The following SIPA1L3 variants were observed in gnomAD, a reference collection of about 807,000 sequenced individuals.
SIPA1L3 encodes signal induced proliferation associated 1 like 3, also known as signal-induced proliferation-associated 1-like protein 3.
Under a neutral mutation model 150.1 loss-of-function variants are expected in SIPA1L3, and 59 were observed. The observed-to-expected ratio is 0.39, with a 90% CI of 0.32 to 0.49. SIPA1L3 has a LOEUF of 0.49. Ranked by LOEUF, SIPA1L3 falls within the 20% of genes least tolerant of loss-of-function variation. The pLI, the probability that SIPA1L3 is intolerant of heterozygous loss-of-function variation, is 0.86. For synonymous variants in SIPA1L3, 1,070 were observed against 1,077.6 expected (o/e 0.99, Z 0.14); for missense variants, 2,211 against 2,489.5 (o/e 0.89, Z 2.38).
At chr19:38,171,724 G>A (rs1972332314) in intron 15 of SIPA1L3, among the ~76,000 whole-genome samples, 1 of 152,100 alleles carries the variant, frequency 6.6e-6, no homozygotes, top group South Asian at 2.1e-4. Context: ...GGGTATGGCA[G>A]TAGGCTCCTG....
intron 15 of SIPA1L3, among the ~76,000 whole-genome samples, chr19:38,170,196 A>G (rs1031154861): frequency 6.6e-6 from 1 of 152,174 alleles, no homozygotes; most frequent in Non-Finnish European, 1.5e-5. Context: ...AGCAGTCCAG[A>G]CAGAGAATGA....
At chr19:37,942,602 T>C (rs1256955748) in intron 1 of SIPA1L3, among the ~76,000 whole-genome samples, 1 of 151,598 alleles carries the variant, frequency 6.6e-6, no homozygotes, top group East Asian at 1.9e-4. Flanking sequence ...CAGAGTGTCC[T>C]CCCATGCCCT....
intron 9 of SIPA1L3, among the ~76,000 whole-genome samples, chr19:38,124,894 C>T (rs1332717557): frequency 6.6e-6 from 1 of 152,080 alleles, no homozygotes; most frequent in Non-Finnish European, 1.5e-5. Context: ...CGCAGGCACT[C>T]CGCAGGCTGA....
chr19:37,909,988 AAAAGC>A (rs1263100477), intron 1 of SIPA1L3, among the ~76,000 whole-genome samples: 7 of 152,226 alleles, frequency 4.6e-5, no homozygotes, highest in Non-Finnish European at 7.4e-5. Flanking sequence ...AAAAAAAAAA[AAAAGC>A]AGCACGTGGC....
At chr19:38,104,603 G>A (rs1159908378) in intron 6 of SIPA1L3, among the ~76,000 whole-genome samples, 2 of 152,000 alleles carry the variant, frequency 1.3e-5, no homozygotes, top group Non-Finnish European at 2.9e-5. Context: ...AGACAGTCTC[G>A]CTCTGTCACC....
chr19:38,012,566 C>T (rs1319553122), intron 1 of SIPA1L3, among the ~76,000 whole-genome samples: 1 of 152,146 alleles, frequency 6.6e-6, no homozygotes, highest in Non-Finnish European at 1.5e-5. Context: ...CAATCCACTA[C>T]CCGAAGCATG....
chr19:38,006,760 G>A (rs562282531), intron 1 of SIPA1L3, among the ~76,000 whole-genome samples: 1 of 152,192 alleles, frequency 6.6e-6, no homozygotes, highest in African/African-American at 2.4e-5. Flanking sequence ...AGTATGACCG[G>A]GCACACACCC....
chr19:38,189,202 A>G (rs943711239), intron 16 of SIPA1L3, among the ~76,000 whole-genome samples: 11 of 148,260 alleles, frequency 7.4e-5, no homozygotes, highest in Admixed American at 2.0e-4. Context: ...TGGTGCCATC[A>G]TAGCTCACTG....
At chr19:37,969,137 G>T (rs1365299941) in intron 1 of SIPA1L3, among the ~76,000 whole-genome samples, 1 of 152,024 alleles carries the variant, frequency 6.6e-6, no homozygotes, top group African/African-American at 2.4e-5. Flanking sequence ...GGGAGGCTGT[G>T]GTGAGAGGAT....
chr19:37,930,378 G>A (rs570027499), intron 1 of SIPA1L3, among the ~76,000 whole-genome samples: 1 of 149,730 alleles, frequency 6.7e-6, no homozygotes, highest in African/African-American at 2.5e-5. Flanking sequence ...GGCTGGTCTC[G>A]AACTCCTGGG....
chr19:38,192,057 TG>T, intron 16 of SIPA1L3, 87 bp from the exon 17 acceptor site: 1 of 1,264,638 alleles, frequency 7.9e-7, no homozygotes, highest in Non-Finnish European at 1.1e-6. Context: ...ATGCGTCCCG[TG>T]GTGGCCGGCC....
At position 38,206,087 on chromosome 19, in the gene SIPA1L3, C is replaced by T; in HGVS notation, c.5203-10C>T. The T allele has an allele frequency of 1.3e-6, 2 of 1,536,806 alleles. No individual in the cohort carries two copies. Among genetic ancestry groups the T allele is most frequent in the Non-Finnish European group, 1.8e-6 (2 of 1,137,702 alleles). On this transcript the variant is annotated splice_polypyrimidine_tract_variant and intron_variant, in intron 21 of 21. Coordinates refer to ENST00000222345, the MANE Select transcript of SIPA1L3 (RefSeq NM_015073.3). ...CCACCCGCCTGATGCCAGCTTCCCA[C>T]CCTGTGCAGGAGAAGCAGGACAAGG...
chr19:38,149,314 T>C (rs1971769838), intron 12 of SIPA1L3, among the ~76,000 whole-genome samples: 1 of 152,094 alleles, frequency 6.6e-6, no homozygotes, highest in East Asian at 1.9e-4. Flanking sequence ...AGAATATCGC[T>C]TGAACCCTGG....
intron 1 of SIPA1L3, among the ~76,000 whole-genome samples, chr19:37,988,962 C>T (rs936880112): frequency 3.3e-5 from 5 of 152,176 alleles, no homozygotes; most frequent in African/African-American, 1.2e-4. Flanking sequence ...ACCCTCCCAG[C>T]GAGGCCTTCT....
At chr19:38,126,955 G>T (rs1971189181) in intron 9 of SIPA1L3, among the ~76,000 whole-genome samples, 1 of 151,962 alleles carries the variant, frequency 6.6e-6, no homozygotes, top group Non-Finnish European at 1.5e-5. Flanking sequence ...CACTTTGGGA[G>T]GCCAAGGCAG....
intron 21 of SIPA1L3, 126 bp downstream of exon 21, chr19:38,204,334 T>C: frequency 1.4e-6 from 1 of 692,042 alleles, no homozygotes; most frequent in South Asian, 1.8e-5. Flanking sequence ...TGTGTTTGAG[T>C]GTAGTCATGG....
rs1295634102 is a variant in SIPA1L3 at position 38,124,304 on chromosome 19, C to T, written c.2868+4422C>T. Among the ~76,000 whole-genome samples the T allele has an allele frequency of 9.4e-5, 14 of 148,914 alleles. No homozygotes were observed. In the East Asian group the frequency reaches 1.0e-3, roughly 11 times the overall value. ...CTCAGACGGGGCGGCCGGGCAGAGA[C>T]GCTCCTCACCTCCCAGACGGGGTCG... On this transcript the variant is annotated intron_variant, in intron 9 of 21. Transcript: ENST00000222345.
chr19:38,109,301 A>G (rs1016694158), intron 7 of SIPA1L3: 1 of 152,216 alleles, frequency 6.6e-6, no homozygotes, highest in Non-Finnish European at 1.5e-5. Context: ...CAGGGGAACC[A>G]CACTTTTATA....
chr19:38,041,364 C>T (rs1375850493), intron 2 of SIPA1L3, among the ~76,000 whole-genome samples: 6 of 150,042 alleles, frequency 4.0e-5, no homozygotes, highest in Admixed American at 6.7e-5. Context: ...CTGCAACCTC[C>T]GCCTCCCGGG....
Sources: gnomAD v4.1 joint callset for allele counts (sites outside exome capture counted in the v4.1 genomes callset) on GRCh38, gnomAD v4.1.1 for gene constraint, MANE v1.5 for transcripts, NCBI Gene and HGNC (gene_info 2026-07-23, HGNC 2026-07-21) for gene names.